POU2AF3: variants seen among roughly 807,000 people sequenced by gnomAD.
The protein encoded by POU2AF3 is cancer susceptibility candidate 13.
At chr11:111,298,655 C>A in the POU2AF3 span, 1 of 1,230,522 alleles carries the variant, frequency 8.1e-7, no homozygotes, top group African/African-American at 1.6e-5. Context: ...GGGTGTGTTT[C>A]CACGGCTTTT....
the POU2AF3 span, chr11:111,298,717 G>T: frequency 9.1e-7 from 1 of 1,099,886 alleles, no homozygotes. Flanking sequence ...AAGGGCCGGG[G>T]ATCCGGAGAG....
At chr11:111,299,590 C>A in the POU2AF3 span, 1 of 1,220,906 alleles carries the variant, frequency 8.2e-7, no homozygotes, top group South Asian at 4.3e-5. Context: ...GGGGCGGCCC[C>A]TACCGAAGGG....
At chr11:111,308,363 G>A in the POU2AF3 span, 366 of 1,551,706 alleles carry the variant, frequency 2.4e-4, 1 homozygote, top group Admixed American at 5.1e-4. Context: ...AGACTGTGTG[G>A]ACTTTGCCCC....
chr11:111,298,826 G>GCGGGGGGGCC, the POU2AF3 span: 77 of 790,956 alleles, frequency 9.7e-5, no homozygotes, highest in Non-Finnish European at 1.2e-4. Flanking sequence ...CGTACCCCAG[G>GCGGGGGGGCC]CCCCCGCCCG....
At chr11:111,298,827 C>CGGGCG in the POU2AF3 span, 16 of 631,558 alleles carry the variant, frequency 2.5e-5, no homozygotes, top group Non-Finnish European at 3.4e-5. Context: ...GTACCCCAGG[C>CGGGCG]CCCCGCCCGC....
the POU2AF3 span, among the ~76,000 whole-genome samples, chr11:111,301,514 TGCAATGTG>T: frequency 2.9e-4 from 4 of 13,654 alleles, no homozygotes; most frequent in South Asian, 0.013. Context: ...GCTGTTCATG[TGCAATGTG>T]TGACTTCATG....
the POU2AF3 span, among the ~76,000 whole-genome samples, chr11:111,303,536 C>T: frequency 6.6e-6 from 1 of 152,114 alleles, no homozygotes; most frequent in East Asian, 1.9e-4. Flanking sequence ...GGGGTGGAGG[C>T]AGACAAACAG....
the POU2AF3 span, among the ~76,000 whole-genome samples, chr11:111,301,629 G>A: frequency 4.1e-4 from 63 of 152,320 alleles, no homozygotes; most frequent in Non-Finnish European, 6.2e-4. Flanking sequence ...ACTGGGCTCA[G>A]ATCTCAGTTC....
At chr11:111,300,380 T>G in the POU2AF3 span, 1 of 370,648 alleles carries the variant, frequency 2.7e-6, no homozygotes, top group Non-Finnish European at 4.8e-6. Flanking sequence ...AATGTTTGGG[T>G]TTTTACCATC....
the POU2AF3 span, chr11:111,298,884 C>T: frequency 8.7e-7 from 1 of 1,147,272 alleles, no homozygotes; most frequent in African/African-American, 1.6e-5. Context: ...GGTGCGGACC[C>T]TGCGCGCCCA....
At chr11:111,305,445 C>G in the POU2AF3 span, among the ~76,000 whole-genome samples, 1 of 152,226 alleles carries the variant, frequency 6.6e-6, no homozygotes, top group South Asian at 2.1e-4. Flanking sequence ...TAGGTTTTCT[C>G]AGCCCAATAA....
At chr11:111,307,935 G>A in the POU2AF3 span, 1 of 723,808 alleles carries the variant, frequency 1.4e-6, no homozygotes, top group Non-Finnish European at 2.1e-6. Context: ...GCAGACTTGG[G>A]TTGGGTGTTG....
chr11:111,300,038 G>A, the POU2AF3 span: 1 of 396,292 alleles, frequency 2.5e-6, no homozygotes, highest in East Asian at 3.6e-5. Context: ...AAGGGACTCG[G>A]GACTTCCATG....
chr11:111,298,881 A>G, the POU2AF3 span: 1 of 1,120,576 alleles, frequency 8.9e-7, no homozygotes, highest in Non-Finnish European at 1.1e-6. Context: ...CGCGGTGCGG[A>G]CCCTGCGCGC....
At chr11:111,303,693 A>G in the POU2AF3 span, among the ~76,000 whole-genome samples, 2 of 152,184 alleles carry the variant, frequency 1.3e-5, no homozygotes, top group African/African-American at 2.4e-5. Context: ...CTGGTTCATG[A>G]CATTACAGCA....
chr11:111,308,294 T>C, the POU2AF3 span: 1 of 1,551,736 alleles, frequency 6.4e-7, no homozygotes. Flanking sequence ...CTACTGCGCA[T>C]CGTGTGAGGC....
chr11:111,299,584 C>T, the POU2AF3 span: 3 of 1,217,252 alleles, frequency 2.5e-6, no homozygotes, highest in Non-Finnish European at 3.1e-6. Flanking sequence ...AGCCCCGGGG[C>T]GGCCCCTACC....
At chr11:111,302,475 G>A in the POU2AF3 span, among the ~76,000 whole-genome samples, 2 of 152,226 alleles carry the variant, frequency 1.3e-5, no homozygotes, top group Non-Finnish European at 2.9e-5. Context: ...CCCCATGTGA[G>A]TGTGGCACTT....
At chr11:111,299,510 G>A in the POU2AF3 span, 1 of 1,152,632 alleles carries the variant, frequency 8.7e-7, no homozygotes, top group Non-Finnish European at 1.1e-6. Context: ...GTCCCTCCCA[G>A]CGAACCCCTC....
Sources: allele counts gnomAD v4.1 joint callset (sites outside exome capture counted in the v4.1 genomes callset), GRCh38; gene constraint gnomAD v4.1.1; transcripts MANE v1.5; gene names NCBI Gene and HGNC (gene_info 2026-07-23, HGNC 2026-07-21).